EHMT1: variants seen among roughly 807,000 people sequenced by gnomAD.
EHMT1 encodes the protein histone-lysine N-methyltransferase EHMT1.
EHMT1 carries 15 observed loss-of-function variants against 147.2 expected under a neutral mutation model. The observed-to-expected ratio is 0.10, with a 90% confidence interval of 0.07 to 0.16. EHMT1 has a LOEUF of 0.16. EHMT1 is among the 10% of genes least tolerant of loss of function. EHMT1 has a pLI of 1.00. For missense variants in EHMT1, 1,587 were observed against 1,772.4 expected, an observed-to-expected ratio of 0.90 and a Z score of 1.88; for synonymous variants, 795 against 709.6, an observed-to-expected ratio of 1.12 and a Z score of -1.91.
intron 18 of EHMT1, among the ~76,000 whole-genome samples, chr9:137,801,587 C>T (rs1953493063): frequency 6.6e-6 from 1 of 152,206 alleles, no homozygotes; most frequent in African/African-American, 2.4e-5. Context: ...CAACCTCCAC[C>T]TCCCGGGTTT....
rs977249143 is a variant in EHMT1, at chr9:137,731,111, G to A, written c.823+2582G>A. ...GCTTTCTAAAAACAAACTACCCAGC[G>A]TGTTTAGCAGGCTCCAGTTTACCCT... is the stretch of plus-strand genomic sequence containing the variant. On this transcript the variant is annotated intron_variant, in intron 4 of 26. Coordinates refer to ENST00000460843, the MANE Select transcript of EHMT1 (RefSeq NM_024757.5). This position sits in a 1 kb window ranked among gnomAD's most constrained non-coding sequence, Gnocchi z 4.3. Among the ~76,000 whole-genome samples the A allele has an allele frequency of 3.3e-5, 5 of 152,138 alleles. No homozygotes were observed. The highest frequency in any genetic ancestry group is 2.1e-4 in the South Asian group (1 of 4,824).
At chr9:137,628,517 C>T (rs1230148469) in intron 1 of EHMT1, among the ~76,000 whole-genome samples, 1 of 152,174 alleles carries the variant, frequency 6.6e-6, no homozygotes, top group Admixed American at 6.6e-5. Context: ...TGGGCTCAGG[C>T]GATTCTCCCG....
chr9:137,671,485 G>C (rs1410958462), intron 1 of EHMT1, among the ~76,000 whole-genome samples: 1 of 149,158 alleles, frequency 6.7e-6, no homozygotes, highest in Non-Finnish European at 1.5e-5. Flanking sequence ...AAAACAAAGC[G>C]ACCCAAAGAC....
chr9:137,646,729 A>C (rs890960074), intron 1 of EHMT1, among the ~76,000 whole-genome samples: 1 of 152,216 alleles, frequency 6.6e-6, no homozygotes, highest in Non-Finnish European at 1.5e-5. Context: ...TCACTGCCGC[A>C]AATCTTGTAA....
chr9:137,684,018 TTTTG>T (rs1554835232), intron 1 of EHMT1, among the ~76,000 whole-genome samples: 17 of 151,446 alleles, frequency 1.1e-4, no homozygotes, highest in South Asian at 2.1e-4. Context: ...ATTAACTGTT[TTTTG>T]TTTGTTTGTT....
chr9:137,823,477 T>G, intron 25 of EHMT1: 1 of 346,228 alleles, frequency 2.9e-6, no homozygotes, highest in South Asian at 2.0e-5. Context: ...AGTGACACAA[T>G]CTCGGCTCAC....
intron 5 of EHMT1, 147 bp downstream of exon 5, chr9:137,743,675 G>C: frequency 7.7e-7 from 1 of 1,303,598 alleles, no homozygotes. Context: ...CAGAGTGTTC[G>C]TGTCCAAGAT....
intron 4 of EHMT1, among the ~76,000 whole-genome samples, chr9:137,733,711 A>G (rs1392923183): frequency 6.6e-6 from 1 of 152,134 alleles, no homozygotes; most frequent in African/African-American, 2.4e-5. Context: ...CTTCCATGTG[A>G]CGGCCAAGAA....
chr9:137,809,030 T>G (rs1248935009), intron 18 of EHMT1, among the ~76,000 whole-genome samples: 1 of 152,140 alleles, frequency 6.6e-6, no homozygotes, highest in Non-Finnish European at 1.5e-5. Flanking sequence ...CAAGGAGCTC[T>G]GAAATGTATG....
intron 1 of EHMT1, among the ~76,000 whole-genome samples, chr9:137,669,338 A>ACTCCACCCAAGACAC (rs1564562383): frequency 1.7e-4 from 2 of 11,916 alleles, no homozygotes; most frequent in African/African-American, 4.9e-4. Context: ...CAGCACGTGG[A>ACTCCACCCAAGACAC]CCCCACACCA....
intron 1 of EHMT1, among the ~76,000 whole-genome samples, chr9:137,706,059 T>TG (rs1944244785): frequency 3.1e-4 from 1 of 3,244 alleles, no homozygotes; most frequent in South Asian, 8.3e-3. Context: ...GGGTTGGGGG[T>TG]GGGGCGTCAG....
intron 1 of EHMT1, among the ~76,000 whole-genome samples, chr9:137,671,520 CTTTTTTTTTT>C (rs71493689): frequency 2.9e-4 from 31 of 105,348 alleles, no homozygotes; most frequent in Admixed American, 2.8e-3. Flanking sequence ...CCTTTTCTTT[CTTTTTTTTTT>C]TTTTTTTTTT....
chr9:137,729,361 G>A (rs1946898496), intron 4 of EHMT1, among the ~76,000 whole-genome samples: 1 of 152,168 alleles, frequency 6.6e-6, no homozygotes, highest in Non-Finnish European at 1.5e-5. Flanking sequence ...GGCCAAGGCG[G>A]GTGGATCACG....
At chr9:137,819,618 A>AGGGG (rs1955230782) in intron 25 of EHMT1, among the ~76,000 whole-genome samples, 6 of 106,986 alleles carry the variant, frequency 5.6e-5, no homozygotes, top group South Asian at 3.1e-4. Context: ...AGGCCGATTG[A>AGGGG]GGGGCGCCGT....
At chr9:137,664,334 C>T (rs1450165494) in intron 1 of EHMT1, among the ~76,000 whole-genome samples, 1 of 150,312 alleles carries the variant, frequency 6.7e-6, no homozygotes, top group East Asian at 1.9e-4. Context: ...CTCTGTCGCT[C>T]AGGCTGGAGT....
At chr9:137,769,309 C>G (rs1950446929) in intron 10 of EHMT1, among the ~76,000 whole-genome samples, 1 of 152,158 alleles carries the variant, frequency 6.6e-6, no homozygotes, top group South Asian at 2.1e-4. Context: ...TAACCTTCAT[C>G]TTAAACATAT....
At chr9:137,632,875 G>C (rs749981347) in intron 1 of EHMT1, among the ~76,000 whole-genome samples, 9 of 152,230 alleles carry the variant, frequency 5.9e-5, no homozygotes, top group Non-Finnish European at 1.3e-4. Flanking sequence ...AATGATTCTC[G>C]TCCTTGCAAT....
intron 8 of EHMT1, 148 bp from the exon 9 acceptor site, chr9:137,757,731 TA>T: frequency 8.5e-7 from 1 of 1,172,696 alleles, no homozygotes; most frequent in Non-Finnish European, 1.2e-6. Context: ...TGGAATGGTC[TA>T]AACCATAGTG....
At chr9:137,742,936 C>A in intron 4 of EHMT1, 1 of 264,730 alleles carries the variant, frequency 3.8e-6, no homozygotes, top group Non-Finnish European at 7.3e-6. Flanking sequence ...TCTTCCTGCT[C>A]CGCGCTGCGT....
Sources: gnomAD v4.1 joint callset for allele counts (sites outside exome capture counted in the v4.1 genomes callset) on GRCh38, gnomAD v4.1.1 for gene constraint, Gnocchi (gnomAD v3.1) non-coding constraint, MANE v1.5 for transcripts, NCBI Gene and HGNC (gene_info 2026-07-23, HGNC 2026-07-21) for gene names.